Variants in TMEM196 observed in about 807,000 individuals in gnomAD.
The protein encoded by TMEM196 is transmembrane protein 196.
Under a neutral mutation model 20.0 loss-of-function variants are expected in TMEM196, and 17 were observed. The observed-to-expected ratio is 0.85, with a 90% CI of 0.58 to 1.27. TMEM196 has a LOEUF of 1.27. Among genes scored for constraint, TMEM196 ranks in the 50% most tolerant of loss-of-function variants. The pLI is 0.00. For synonymous variants in TMEM196, 113 were observed against 88.9 expected, an observed-to-expected ratio of 1.27 and a Z score of -1.52; for missense variants, 267 against 223.0, an observed-to-expected ratio of 1.20 and a Z score of -1.26.
rs545515603 is a variant in TMEM196, at chr7:19,734,483, A to G, written c.148-5045T>C. 4.6e-5 allele frequency among the ~76,000 whole-genome samples: 7 copies of G among 152,352 alleles called. No individual in the cohort carries two copies. The South Asian group carries it at 1.5e-3, about 32-fold the overall frequency. Reference sequence around the variant, plus strand: ...TTTCTTGAGATGGGGAGATTATTGCAGATTATCCAGGGATGCCTTAAATGT... The same window carrying G: ...TTTCTTGAGATGGGGAGATTATTGCGGATTATCCAGGGATGCCTTAAATGT... On this transcript the variant is annotated intron_variant, in intron 1 of 4. Coordinates refer to ENST00000405844, the MANE Select transcript of TMEM196 (RefSeq NM_001363562.2).
chr7:19,729,270 T>TG (rs1784110596), intron 2 of TMEM196, 112 bp downstream of exon 2: 1 of 698,898 alleles, frequency 1.4e-6, no homozygotes, highest in Non-Finnish European at 2.0e-6. Flanking sequence ...TTTTTTTTTT[T>TG]GCCTCAAACT....
chr7:19,761,074 G>T (rs546712574), intron 1 of TMEM196, among the ~76,000 whole-genome samples: 1 of 152,228 alleles, frequency 6.6e-6, no homozygotes, highest in Admixed American at 6.5e-5. Flanking sequence ...AATCCCTGCA[G>T]GTCCCACTCC....
At chr7:19,742,952 T>G (rs1165061212) in intron 1 of TMEM196, among the ~76,000 whole-genome samples, 1 of 152,164 alleles carries the variant, frequency 6.6e-6, no homozygotes, top group African/African-American at 2.4e-5. Flanking sequence ...TCCCAGGTGT[T>G]AAGACAGTTG....
intron 1 of TMEM196, among the ~76,000 whole-genome samples, chr7:19,744,545 C>T (rs915588441): frequency 2.0e-5 from 3 of 152,046 alleles, no homozygotes; most frequent in Admixed American, 2.0e-4. Context: ...GCATAAAAAA[C>T]ATGTGGGTTT....
chr7:19,730,729 A>G (rs1480420319), intron 1 of TMEM196, among the ~76,000 whole-genome samples: 1 of 152,212 alleles, frequency 6.6e-6, no homozygotes, highest in Admixed American at 6.5e-5. Flanking sequence ...AGAAGTACCA[A>G]GAAAATCTGT....
chr7:19,731,486 G>C (rs772842954), intron 1 of TMEM196, among the ~76,000 whole-genome samples: 4 of 152,092 alleles, frequency 2.6e-5, no homozygotes, highest in Non-Finnish European at 5.9e-5. Context: ...AGTGCTTCAA[G>C]CTTCAGATCA....
At position 19,724,344 on chromosome 7, in the gene TMEM196, C is replaced by A; in HGVS notation, c.469G>T (p.Ala157Ser). 6.5e-7 allele frequency: 1 copy of A among 1,550,118 alleles called. No individual in the cohort carries two copies. The highest frequency in any genetic ancestry group is 2.0e-5 in the Admixed American group (1 of 50,984). ...CTGGGCAAGTCGGTTATTTCAATAG[C>A]CCTCAATCTCTAATGTAAATATAAC... ...SHEMAEKRLR[A>S]IEITDLPSCP... Residue 157 changes from alanine (A) to serine (S), a missense_variant, in exon 4 of 5, where the codon GCT (alanine) becomes TCT (serine). By Grantham distance (99) the Ala-to-Ser change is moderately conservative. Coordinates refer to ENST00000405844, the MANE Select transcript of TMEM196 (RefSeq NM_001363562.2).
chr7:19,738,783 A>C (rs1784490092), intron 1 of TMEM196, among the ~76,000 whole-genome samples: 1 of 152,138 alleles, frequency 6.6e-6, no homozygotes, highest in Non-Finnish European at 1.5e-5. Context: ...ATGATAGACT[A>C]AATCAGCAAA....
intron 1 of TMEM196, among the ~76,000 whole-genome samples, chr7:19,755,789 G>T (rs979770013): frequency 6.6e-6 from 1 of 152,166 alleles, no homozygotes; most frequent in Non-Finnish European, 1.5e-5. Context: ...AGCACTTTGG[G>T]AGGCTGAGGC....
rs1783747768 is a variant in TMEM196, at chr7:19,719,483, T to C, written c.*2645A>G. 6.6e-6 allele frequency: 1 copy of C among 152,162 alleles called. No individual in the cohort carries two copies. The highest frequency in any genetic ancestry group is 1.5e-5 in the Non-Finnish European group (1 of 67,996). The allele number at this position is 152,162 out of a possible 1,614,324, so 9.4% of individuals were successfully genotyped here. The stretch of plus-strand genomic sequence containing the variant: ...ATTTCCAAAGCGAGCCCAATTTTAT[T>C]CTTTTATGCTTATAATACTCTACCT... On this transcript the variant is annotated 3_prime_UTR_variant, in exon 5 of 5. Transcript: ENST00000405844.
intron 1 of TMEM196, among the ~76,000 whole-genome samples, chr7:19,740,838 T>C (rs1436844421): frequency 6.6e-6 from 1 of 152,132 alleles, no homozygotes; most frequent in Admixed American, 6.6e-5. Context: ...TAGAGTAGTT[T>C]ATAAGAATTG....
At chr7:19,767,516 T>C (rs1372442748) in intron 1 of TMEM196, among the ~76,000 whole-genome samples, 4 of 152,032 alleles carry the variant, frequency 2.6e-5, no homozygotes, top group Non-Finnish European at 5.9e-5. Context: ...AGAACAAAAC[T>C]ATTTTTTCTA....
At chr7:19,723,782 C>A (rs914566095) in intron 4 of TMEM196, among the ~76,000 whole-genome samples, 1 of 152,012 alleles carries the variant, frequency 6.6e-6, no homozygotes, top group African/African-American at 2.4e-5. Context: ...CAATTTGAAA[C>A]GTGGGAACTA....
intron 1 of TMEM196, among the ~76,000 whole-genome samples, chr7:19,745,819 T>C (rs1784732280): frequency 6.6e-6 from 1 of 150,672 alleles, no homozygotes; most frequent in Non-Finnish European, 1.5e-5. Context: ...GGTCATCTGC[T>C]CCTAATTGAA....
chr7:19,728,118 T>C (rs540402931), intron 2 of TMEM196, among the ~76,000 whole-genome samples: 1 of 152,242 alleles, frequency 6.6e-6, no homozygotes, highest in South Asian at 2.1e-4. Flanking sequence ...AGTGCCACTA[T>C]TGCCTTTGTA....
chr7:19,766,857 A>T (rs898694905), intron 1 of TMEM196, among the ~76,000 whole-genome samples: 1 of 152,218 alleles, frequency 6.6e-6, no homozygotes, highest in African/African-American at 2.4e-5. Flanking sequence ...AAAGTTAGAT[A>T]GTTTGGTTCT....
intron 1 of TMEM196, among the ~76,000 whole-genome samples, chr7:19,763,624 A>G (rs1785515413): frequency 6.6e-6 from 1 of 152,180 alleles, no homozygotes; most frequent in African/African-American, 2.4e-5. Context: ...CCTAGAGTCC[A>G]AGGTCAATTT....
chr7:19,772,160 T>G (rs1446728548), intron 1 of TMEM196, among the ~76,000 whole-genome samples: 1 of 152,058 alleles, frequency 6.6e-6, no homozygotes, highest in Non-Finnish European at 1.5e-5. Context: ...TTGATTTTCC[T>G]TGTAGAAGGA....
At chr7:19,731,439 TC>T (rs1784198278) in intron 1 of TMEM196, among the ~76,000 whole-genome samples, 1 of 152,190 alleles carries the variant, frequency 6.6e-6, no homozygotes, top group Non-Finnish European at 1.5e-5. Context: ...AAGGCAGTGC[TC>T]AAGAAATTCC....
Sources: gnomAD v4.1 joint callset for allele counts (sites outside exome capture counted in the v4.1 genomes callset) on GRCh38, gnomAD v4.1.1 for gene constraint, MANE v1.5 for transcripts, NCBI Gene and HGNC (gene_info 2026-07-23, HGNC 2026-07-21) for gene names.